Variants in KCNH4 observed in about 807,000 individuals in gnomAD.
KCNH4 encodes potassium voltage-gated channel subfamily H member 4.
Under a neutral mutation model 90.7 loss-of-function variants are expected in KCNH4, and 33 were observed. The ratio of observed to expected loss-of-function variants is 0.36; its 90% confidence interval spans 0.28 to 0.49. KCNH4 has a LOEUF of 0.49. KCNH4 is among the 20% of genes least tolerant of loss of function. KCNH4 has a pLI of 0.98. For missense variants in KCNH4, 1,044 were observed against 1,387.1 expected (o/e 0.75, Z 3.93); for synonymous variants, 551 against 581.7 (o/e 0.95, Z 0.76).
At chr17:42,171,034 T>C (rs1362559406) in intron 7 of KCNH4, among the ~76,000 whole-genome samples, 1 of 151,720 alleles carries the variant, frequency 6.6e-6, no homozygotes, top group African/African-American at 2.4e-5. Flanking sequence ...CCGCCCAGGG[T>C]GTGCAGTGAG....
intron 16 of KCNH4, among the ~76,000 whole-genome samples, chr17:42,158,093 A>G (rs2079720958): frequency 6.6e-6 from 1 of 151,472 alleles, no homozygotes; most frequent in Non-Finnish European, 1.5e-5. Flanking sequence ...CATCCCAGCT[A>G]ATGTTTGTAT....
chr17:42,157,739 C>T (rs2079718809), intron 16 of KCNH4, among the ~76,000 whole-genome samples: 1 of 152,058 alleles, frequency 6.6e-6, no homozygotes, highest in South Asian at 2.1e-4. Flanking sequence ...TCCAGAGTAG[C>T]TGGGACCACA....
chr17:42,178,484 G>C lies in KCNH4; in HGVS notation c.311-7C>G. 6.2e-7 allele frequency: 1 copy of C among 1,614,056 alleles called. No homozygotes were observed. Among genetic ancestry groups the C allele is most frequent in the East Asian group, 2.2e-5 (1 of 44,888 alleles). On this transcript the variant is annotated splice_polypyrimidine_tract_variant and splice_region_variant and intron_variant, in intron 2 of 16. Coordinates refer to ENST00000264661, the MANE Select transcript of KCNH4 (RefSeq NM_012285.3). ...AGGCACCAAAAGGCTGAGCCTGTAG[G>C]CATGGAGAGAGGGAAGGGAGGAGCA...
At position 42,163,858 on chromosome 17, in the gene KCNH4, C is replaced by A; in HGVS notation, c.2225G>T (p.Arg742Leu). 1 of 1,510,742 alleles carries A rather than the reference C, an allele frequency of 6.6e-7. No homozygotes were observed. Among genetic ancestry groups the A allele is most frequent in the Non-Finnish European group, 8.9e-7 (1 of 1,128,200 alleles). The allele number at this position is 1,510,742 out of a possible 1,614,324, so 93.6% of individuals were successfully genotyped here. The stretch of plus-strand genomic sequence containing the variant: ...GCTGAGGTTGGGCAGCAGGAGGGGC[C>A]GTCGGGGCCTGGGACCACCCCCAGG... ...AEPGGGPRPRRPLLLPNLSPA... is the reference protein window; with the variant it reads ...AEPGGGPRPRLPLLLPNLSPA... The change falls in exon 13 of 17, where the codon CGG (arginine) becomes CTG (leucine). Residue 742 changes from arginine to leucine, a missense_variant. By Grantham distance (102) the Arg-to-Leu change is moderately radical. This residue lies in a region of KCNH4 where 441 missense variants were observed against 512.3 expected (regional missense o/e 0.86). Coordinates refer to ENST00000264661, the MANE Select transcript of KCNH4 (RefSeq NM_012285.3). The surrounding 1 kb of genome is among the most constrained non-coding windows in gnomAD (Gnocchi z 5.4).
Position 42,169,514 on chromosome 17 carries a change from G to C in KCNH4, c.1553C>G (p.Thr518Ser), listed in dbSNP as rs373568858. Residue 518 changes from threonine (T) to serine (S), a missense_variant, in exon 9 of 17, where the codon ACC becomes AGC. Transcript: ENST00000264661. ...LKQRMLEYFQTTWAVNSGIDA... is the reference protein window; with the variant it reads ...LKQRMLEYFQSTWAVNSGIDA... ...GATGCCGCTGTTGACGGCCCACGTG[G>C]TCTGGAAGTATTCGAGCATGCGCTG... 1.2e-5 allele frequency: 20 copies of C among 1,613,210 alleles called. No homozygotes were observed. Among genetic ancestry groups the C allele is most frequent in the Admixed American group, 1.7e-5 (1 of 60,010 alleles).
At position 42,163,633 on chromosome 17, in the gene KCNH4, G is replaced by T; in HGVS notation, c.2450C>A (p.Thr817Asn). 6.7e-7 allele frequency: 1 copy of T among 1,496,712 alleles called. No individual in the cohort carries two copies. The highest frequency in any genetic ancestry group is 8.9e-7 in the Non-Finnish European group (1 of 1,117,664). The allele number at this position is 1,496,712 out of a possible 1,614,324, so 92.7% of individuals were successfully genotyped here. The change falls in exon 13 of 17, where the codon ACC (threonine) becomes AAC (asparagine). Residue 817 changes from threonine (T) to asparagine (N), a missense_variant. Coordinates refer to ENST00000264661, the MANE Select transcript of KCNH4 (RefSeq NM_012285.3). The surrounding 1 kb of genome is among the most constrained non-coding windows in gnomAD (Gnocchi z 5.4). ...GGGACTGAGGTCCGGAGGTCCAAAGGTTCCCAGTGGGGGAATGAGAAGCTG... is the reference window on the plus strand; with the variant it reads ...GGGACTGAGGTCCGGAGGTCCAAAGTTTCCCAGTGGGGGAATGAGAAGCTG... ...PPQLLIPPLG[T>N]FGPPDLSPRI...
intron 5 of KCNH4, 151 bp from the exon 6 acceptor site, chr17:42,175,887 A>G: frequency 8.0e-7 from 1 of 1,249,402 alleles, no homozygotes. Context: ...ATAGGTTACA[A>G]GGCTGAAGGC....
intron 16 of KCNH4, among the ~76,000 whole-genome samples, chr17:42,159,434 G>A (rs1256855043): frequency 6.6e-6 from 1 of 152,118 alleles, no homozygotes; most frequent in African/African-American, 2.4e-5. Context: ...TGGGCTGTGG[G>A]ATGAGGTGAG....
rs755714176 is a variant in KCNH4 at position 42,171,829 on chromosome 17, C to T, written c.1154G>A (p.Arg385His). 40 of 1,614,002 alleles carry T rather than the reference C, an allele frequency of 2.5e-5. No homozygotes were observed. The highest frequency in any genetic ancestry group is 3.3e-5 in the Admixed American group (2 of 59,982). ...CGGGTCATTGGCCTCCATCTCCCGGCGCCCGATGACATACCAGATGCAGGC... is the reference window on the plus strand; with the variant it reads ...CGGGTCATTGGCCTCCATCTCCCGGTGCCCGATGACATACCAGATGCAGGC... ...WMACIWYVIG[R>H]REMEANDPLL... Residue 385 changes from arginine (R) to histidine (H), a missense_variant, in exon 7 of 17, where the codon CGC (arginine) becomes CAC (histidine). Physicochemically the swap from Arg to His is conservative, Grantham distance 29. Coordinates refer to ENST00000264661, the MANE Select transcript of KCNH4 (RefSeq NM_012285.3).
rs1296472864 is a variant in KCNH4, at chr17:42,163,195, A to C, written c.2584+33T>G. On this transcript the variant is annotated intron_variant, in intron 14 of 16. Transcript: ENST00000264661. The surrounding 1 kb of genome is among the most constrained non-coding windows in gnomAD (Gnocchi z 5.4). Reference sequence around the variant, plus strand: ...GATGGACAGGTGGATGGGCAGATGGATGACGGGGTTGAAGTCCACTGTTGG... The same window carrying C: ...GATGGACAGGTGGATGGGCAGATGGCTGACGGGGTTGAAGTCCACTGTTGG... 1 of 1,414,264 alleles carries C rather than the reference A, an allele frequency of 7.1e-7. No homozygotes were observed. Among genetic ancestry groups the C allele is most frequent in the East Asian group, 2.3e-5 (1 of 43,926 alleles). The allele number at this position is 1,414,264 out of a possible 1,614,324, so 87.6% of individuals were successfully genotyped here.
chr17:42,158,822 G>A (rs1326538077), intron 16 of KCNH4, among the ~76,000 whole-genome samples: 2 of 151,244 alleles, frequency 1.3e-5, no homozygotes, highest in African/African-American at 4.8e-5. Flanking sequence ...GTGACAGAGT[G>A]AGACTCCGTC....
At position 42,180,267 on chromosome 17, in the gene KCNH4, G is replaced by T. The variant is rs971412711; in HGVS notation, c.76+603C>A. On this transcript the variant is annotated intron_variant, in intron 1 of 16. Coordinates refer to ENST00000264661, the MANE Select transcript of KCNH4 (RefSeq NM_012285.3). This position sits in a 1 kb window ranked among gnomAD's most constrained non-coding sequence, Gnocchi z 4.7. ...GGAAGAGGGAATGGCGGGAGAAGAG[G>T]CGGGGGAGGAGTGATGTGGCTGTCC... 2.0e-5 allele frequency among the ~76,000 whole-genome samples: 3 copies of T among 152,128 alleles called. No individual in the cohort carries two copies. Among genetic ancestry groups the T allele is most frequent in the African/African-American group, 7.2e-5 (3 of 41,418 alleles).
chr17:42,159,057 T>A (rs2079727721), intron 16 of KCNH4, among the ~76,000 whole-genome samples: 1 of 151,596 alleles, frequency 6.6e-6, no homozygotes, highest in Non-Finnish European at 1.5e-5. Flanking sequence ...TGAGACAGAG[T>A]CTCACTGTCG....
Position 42,166,467 on chromosome 17 carries a change from A to C in KCNH4, c.1670T>G (p.Phe557Cys). The C allele has an allele frequency of 6.2e-7, 1 of 1,614,080 alleles. No homozygotes were observed. The highest frequency in any genetic ancestry group is 8.5e-7 in the Non-Finnish European group (1 of 1,179,978). Residue 557 changes from phenylalanine (F) to cysteine (C), a missense_variant, in exon 10 of 17, where the codon TTC becomes TGC. Phe to Cys is a radical substitution (Grantham distance 205, BLOSUM62 -2). Around this residue, in one of 4 missense-constraint regions of KCNH4, gnomAD observed 318 missense variants for 479.6 expected, o/e 0.66. Transcript: ENST00000264661. ...CAGGCAGCCCCTGCTCGCTGCCCCG[A>C]ACAACGGCAGCTGCAGGATCTCCCG... ...LNREILQLPL[F>C]GAASRGCLRA...
chr17:42,171,343 G>A lies in KCNH4; in HGVS notation c.1195+445C>T, dbSNP rs189168482. 3.7e-3 allele frequency among the ~76,000 whole-genome samples: 561 copies of A among 152,136 alleles called. 7 individuals carry two copies. Among genetic ancestry groups the A allele is most frequent in the African/African-American group, 0.013 (534 of 41,478 alleles). On this transcript the variant is annotated intron_variant, in intron 7 of 16. Transcript: ENST00000264661. Reference sequence around the variant, plus strand: ...GGTGTGGGGTAAAGGAAAGGGAGGTGTCAGGGACCATGCCCGGGATCTGAC... The same window carrying A: ...GGTGTGGGGTAAAGGAAAGGGAGGTATCAGGGACCATGCCCGGGATCTGAC...
chr17:42,163,632 G>A lies in KCNH4; in HGVS notation c.2451C>T (p.Thr817=), dbSNP rs770892418. Residue 817 remains threonine, a synonymous_variant, in exon 13 of 17, where the codon ACC becomes ACT. Transcript: ENST00000264661. The surrounding 1 kb of genome is among the most constrained non-coding windows in gnomAD (Gnocchi z 5.4). ...PPQLLIPPLG[T]FGPPDLSPRI... Reference sequence around the variant, plus strand: ...GGGGACTGAGGTCCGGAGGTCCAAAGGTTCCCAGTGGGGGAATGAGAAGCT... The same window carrying A: ...GGGGACTGAGGTCCGGAGGTCCAAAAGTTCCCAGTGGGGGAATGAGAAGCT... 1.1e-5 allele frequency: 16 copies of A among 1,495,984 alleles called. No homozygotes were observed. Among genetic ancestry groups the A allele is most frequent in the Admixed American group, 9.2e-5 (4 of 43,410 alleles). The allele number at this position is 1,495,984 out of a possible 1,614,324, so 92.7% of individuals were successfully genotyped here. A position where few individuals can be genotyped will look rare whatever the true frequency, so the allele number is the denominator to read the frequency against.
chr17:42,177,389 G>A (rs2079869774), intron 4 of KCNH4, among the ~76,000 whole-genome samples: 2 of 150,420 alleles, frequency 1.3e-5, no homozygotes, highest in South Asian at 4.2e-4. Flanking sequence ...TTTAGAAAAG[G>A]GGTCTCACTA....
At position 42,159,923 on chromosome 17, in the gene KCNH4, G is replaced by T; in HGVS notation, c.*117C>A. 1.4e-6 allele frequency: 1 copy of T among 715,358 alleles called. No individual in the cohort carries two copies. Among genetic ancestry groups the T allele is most frequent in the Non-Finnish European group, 2.1e-6 (1 of 476,450 alleles). The allele number at this position is 715,358 out of a possible 1,614,324, so 44.3% of individuals were successfully genotyped here. On this transcript the variant is annotated 3_prime_UTR_variant, in exon 16 of 17. Coordinates refer to ENST00000264661, the MANE Select transcript of KCNH4 (RefSeq NM_012285.3). ...TCATTAAAAAGTCCAGAAATCCAGA[G>T]CCAACCAGGCCAGCTGGTGGCTGCT...
chr17:42,167,085 T>C (rs1432707983), intron 9 of KCNH4, among the ~76,000 whole-genome samples: 1 of 152,130 alleles, frequency 6.6e-6, no homozygotes. Flanking sequence ...CCTGGGCTCC[T>C]GTGAAGGGTT....
Sources: gnomAD v4.1 joint callset for allele counts (sites outside exome capture counted in the v4.1 genomes callset) on GRCh38, gnomAD v4.1.1 for gene constraint, gnomAD v4.1.1 regional missense constraint, Gnocchi (gnomAD v3.1) non-coding constraint, MANE v1.5 for transcripts, NCBI Gene and HGNC (gene_info 2026-07-23, HGNC 2026-07-21) for gene names.